The following BRD4 variants were observed in gnomAD, a reference collection of about 807,000 sequenced individuals.
BRD4 encodes bromodomain containing 4, also known as bromodomain-containing protein 4.
Under a neutral mutation model 142.1 loss-of-function variants are expected in BRD4, and 16 were observed. The observed-to-expected ratio is 0.11, with a 90% CI of 0.08 to 0.17. The LOEUF is 0.17. BRD4 is among the 10% of genes least tolerant of loss of function. The pLI is 1.00. For synonymous variants in BRD4, 833 were observed against 707.5 expected, an observed-to-expected ratio of 1.18 and a Z score of -2.82; for missense variants, 1,424 against 1,810.9, an observed-to-expected ratio of 0.79 and a Z score of 3.88.
In BRD4 at chr19:15,244,748, A is replaced by C. The variant is rs1426366942; in HGVS notation, c.2173T>G (p.Ser725Ala). 1 of 1,613,824 alleles carries C rather than the reference A, an allele frequency of 6.2e-7. No homozygotes were observed. The highest frequency in any genetic ancestry group is 1.7e-5 in the Admixed American group (1 of 59,998). ...EDSETEMAPK[S>A]KKKGHPGREQ... The stretch of plus-strand genomic sequence containing the variant: ...CTCCCGGGGTGCCCCTTCTTTTTTG[A>C]CTTCGGAGCCATCTCTGCAGAGGAA... Residue 725 changes from serine to alanine, a missense_variant, in exon 12 of 20, where the codon TCA (serine) becomes GCA (alanine). Around this residue, in one of 16 missense-constraint regions of BRD4, gnomAD observed 598 missense variants for 647.8 expected, o/e 0.92. Coordinates refer to ENST00000679869, the MANE Select transcript of BRD4 (RefSeq NM_001379291.1).
chr19:15,322,808 A>T (rs1334047974), intron 1 of BRD4, among the ~76,000 whole-genome samples: 1 of 147,932 alleles, frequency 6.8e-6, no homozygotes, highest in East Asian at 2.0e-4. Context: ...CAGAGCTTGC[A>T]GTGAGCTGAG....
chr19:15,328,475 T>C (rs1194587328), intron 1 of BRD4, among the ~76,000 whole-genome samples: 1 of 152,186 alleles, frequency 6.6e-6, no homozygotes, highest in African/African-American at 2.4e-5. Flanking sequence ...GGAAACACAC[T>C]GCATGCCAGG....
intron 2 of BRD4, among the ~76,000 whole-genome samples, chr19:15,271,019 G>A (rs897355719): frequency 7.9e-5 from 12 of 152,096 alleles, no homozygotes; most frequent in African/African-American, 2.9e-4. Context: ...GAACGTCCTG[G>A]CCACTCTCCA....
At chr19:15,301,060 C>T (rs967236152) in intron 1 of BRD4, among the ~76,000 whole-genome samples, 3 of 152,148 alleles carry the variant, frequency 2.0e-5, no homozygotes, top group Non-Finnish European at 4.4e-5. Flanking sequence ...GCAGAAAAAG[C>T]TGGGGTCTAT....
intron 1 of BRD4, among the ~76,000 whole-genome samples, chr19:15,299,910 G>T (rs2047853554): frequency 6.6e-6 from 1 of 152,180 alleles, no homozygotes; most frequent in Admixed American, 6.5e-5. Flanking sequence ...TACAGAGAGC[G>T]TATGAAGAGC....
At chr19:15,246,002 T>C (rs1228550017) in intron 11 of BRD4, among the ~76,000 whole-genome samples, 1 of 152,154 alleles carries the variant, frequency 6.6e-6, no homozygotes, top group South Asian at 2.1e-4. Context: ...GGAAGGACCT[T>C]GTGCCCTGTA....
chr19:15,301,024 A>G (rs1380530342), intron 1 of BRD4, among the ~76,000 whole-genome samples: 1 of 152,204 alleles, frequency 6.6e-6, no homozygotes, highest in Non-Finnish European at 1.5e-5. Flanking sequence ...ACTAGAAACC[A>G]TCCACGTGTC....
rs989606776 is a variant in BRD4, at chr19:15,235,633, A to G, written c.*2744T>C. On this transcript the variant is annotated 3_prime_UTR_variant, in exon 20 of 20. Transcript: ENST00000679869. Reference sequence around the variant, plus strand: ...CGAATTCCCTTCTACAAATGTCTAAAGTGTTTAATACAAGTCTCAGATTCA... The same window carrying G: ...CGAATTCCCTTCTACAAATGTCTAAGGTGTTTAATACAAGTCTCAGATTCA... The G allele has an allele frequency of 2.0e-5, 3 of 152,160 alleles. No homozygotes were observed. Among genetic ancestry groups the G allele is most frequent in the African/African-American group, 7.2e-5 (3 of 41,424 alleles). The allele number at this position is 152,160 out of a possible 1,614,324, so 9.4% of individuals were successfully genotyped here. A position where few individuals can be genotyped will look rare whatever the true frequency, so the allele number is the denominator to read the frequency against.
intron 1 of BRD4, among the ~76,000 whole-genome samples, chr19:15,282,927 C>T (rs1038426917): frequency 3.3e-5 from 5 of 152,174 alleles, no homozygotes; most frequent in African/African-American, 1.2e-4. Context: ...GATCATGTCA[C>T]TGCACTCCAG....
At chr19:15,311,200 G>A (rs887843934) in intron 1 of BRD4, among the ~76,000 whole-genome samples, 2 of 152,102 alleles carry the variant, frequency 1.3e-5, no homozygotes, top group South Asian at 2.1e-4. Context: ...GCTGAGGCAC[G>A]AGAATTGCTT....
At chr19:15,263,302 T>A in intron 7 of BRD4, 118 bp downstream of exon 7, 1 of 1,289,014 alleles carries the variant, frequency 7.8e-7, no homozygotes, top group South Asian at 1.5e-5. Flanking sequence ...TAAAGCAACA[T>A]GGCATTATCC....
chr19:15,261,701 G>A (rs925845952), intron 7 of BRD4, among the ~76,000 whole-genome samples: 16 of 152,134 alleles, frequency 1.1e-4, no homozygotes, highest in Non-Finnish European at 2.2e-4. Flanking sequence ...GGTAGTATGG[G>A]AGGCTGAAGC....
chr19:15,254,778 G>A (rs1380084980), intron 10 of BRD4, among the ~76,000 whole-genome samples: 1 of 152,152 alleles, frequency 6.6e-6, no homozygotes, highest in African/African-American at 2.4e-5. Flanking sequence ...TGGGGACAAA[G>A]ACTGTGTGCA....
chr19:15,288,016 C>T (rs915247050), intron 1 of BRD4, among the ~76,000 whole-genome samples: 1 of 152,184 alleles, frequency 6.6e-6, no homozygotes, highest in Admixed American at 6.5e-5. Context: ...GATCTGCCCA[C>T]CTCGGCCTCC....
At chr19:15,321,285 A>AG (rs1450045136) in intron 1 of BRD4, among the ~76,000 whole-genome samples, 2 of 151,046 alleles carry the variant, frequency 1.3e-5, no homozygotes, top group Non-Finnish European at 2.9e-5. Context: ...AAAAAGAGAA[A>AG]GAAGGAAGGA....
At chr19:15,292,028 G>A (rs950290207) in intron 1 of BRD4, among the ~76,000 whole-genome samples, 4 of 152,128 alleles carry the variant, frequency 2.6e-5, no homozygotes, top group African/African-American at 7.2e-5. Context: ...ATTTTGCTAC[G>A]TAGTGACAAA....
chr19:15,267,380 G>GTT (rs772328555), intron 4 of BRD4, 36 bp downstream of exon 4: 1 of 1,607,716 alleles, frequency 6.2e-7, no homozygotes, highest in South Asian at 1.1e-5. Flanking sequence ...AAAGGTCGGG[G>GTT]AGAAAGCCAA....
At chr19:15,291,223 C>G (rs2047779892) in intron 1 of BRD4, among the ~76,000 whole-genome samples, 1 of 152,158 alleles carries the variant, frequency 6.6e-6, no homozygotes, top group Non-Finnish European at 1.5e-5. Context: ...CTAGTTGAGG[C>G]TAGCCAAACA....
chr19:15,279,351 C>CA (rs1361835484), intron 1 of BRD4, among the ~76,000 whole-genome samples: 3 of 152,064 alleles, frequency 2.0e-5, no homozygotes, highest in African/African-American at 7.2e-5. Context: ...ATATAGAAAA[C>CA]AAAAAATCCA....
Sources: gnomAD v4.1 joint callset for allele counts (sites outside exome capture counted in the v4.1 genomes callset) on GRCh38, gnomAD v4.1.1 for gene constraint, gnomAD v4.1.1 regional missense constraint, MANE v1.5 for transcripts, NCBI Gene and HGNC (gene_info 2026-07-23, HGNC 2026-07-21) for gene names.